Variants in SLC35E1 observed in about 807,000 individuals in gnomAD.
SLC35E1 encodes solute carrier family 35, member E1.
Under a neutral mutation model 31.0 loss-of-function variants are expected in SLC35E1, and 12 were observed. The ratio of observed to expected loss-of-function variants is 0.39; its 90% CI spans 0.25 to 0.63. SLC35E1 has a LOEUF of 0.63. SLC35E1 is among the 20% of genes least tolerant of loss of function. The probability of loss-of-function intolerance (pLI) is 0.52; values close to 1 mark genes in which losing one functional copy is unlikely to be tolerated. For missense variants in SLC35E1, 429 were observed against 572.2 expected (o/e 0.75, Z 2.55); for synonymous variants, 257 against 264.1 (o/e 0.97, Z 0.26).
intron 4 of SLC35E1, among the ~76,000 whole-genome samples, chr19:16,560,728 G>A (rs982375992): frequency 1.3e-5 from 2 of 150,408 alleles, no homozygotes; most frequent in Non-Finnish European, 3.0e-5. Context: ...CAGGAGTGGT[G>A]GTGCGCGCCT....
At position 16,551,928 on chromosome 19, in the gene SLC35E1, T is replaced by C. The variant is rs1446041020; in HGVS notation, c.*1751A>G. 2 of 151,734 alleles carry C rather than the reference T, an allele frequency of 1.3e-5. No individual in the cohort carries two copies. The highest frequency in any genetic ancestry group is 3.9e-4 in the East Asian group (2 of 5,160). The allele number at this position is 151,734 out of a possible 1,614,324, so 9.4% of individuals were successfully genotyped here. ...TGCCACCATGCCTGGCTAATTTTTGTTTTAGTAGAGATGGGGTTTCACCAT... is the reference window on the plus strand; with the variant it reads ...TGCCACCATGCCTGGCTAATTTTTGCTTTAGTAGAGATGGGGTTTCACCAT... On this transcript the variant is annotated 3_prime_UTR_variant, in exon 6 of 6. Transcript: ENST00000595753.
At position 16,555,471 on chromosome 19, in the gene SLC35E1, G is replaced by A. The variant is rs572847704; in HGVS notation, c.757-74C>T. ...CCTGCCTCCCTGTATCCACCTGGCA[G>A]GGTTAGGGGAAGGGATGTGGAGGGG... On this transcript the variant is annotated intron_variant, in intron 4 of 5. Transcript: ENST00000595753. This position sits in a 1 kb window ranked among gnomAD's most constrained non-coding sequence, Gnocchi z 4.1. The A allele has an allele frequency of 1.7e-5, 26 of 1,566,594 alleles. No homozygotes were observed. In the African/African-American group the frequency reaches 3.2e-4, roughly 19 times the overall value.
Position 16,571,594 on chromosome 19 carries a change from G to A in SLC35E1, c.422-12C>T, listed in dbSNP as rs2085958665. ...CATGGTGGCCTTGACTGCAAAGAGA[G>A]GGATGGGCACTCAGGGGGCTGCCTG... On this transcript the variant is annotated splice_polypyrimidine_tract_variant and intron_variant, in intron 1 of 5. Coordinates refer to ENST00000595753, the MANE Select transcript of SLC35E1 (RefSeq NM_024881.5). 4.3e-6 allele frequency: 7 copies of A among 1,613,490 alleles called. No individual in the cohort carries two copies. Among genetic ancestry groups the A allele is most frequent in the Non-Finnish European group, 5.9e-6 (7 of 1,179,940 alleles).
At chr19:16,564,942 T>C (rs1485578002) in intron 4 of SLC35E1, 2 of 333,686 alleles carry the variant, frequency 6.0e-6, no homozygotes, top group Non-Finnish European at 1.2e-5. Flanking sequence ...AAAATAGAGG[T>C]AATATCCACT....
intron 4 of SLC35E1, among the ~76,000 whole-genome samples, chr19:16,560,389 G>C (rs2085898535): frequency 1.3e-5 from 2 of 152,170 alleles, no homozygotes; most frequent in South Asian, 2.1e-4. Context: ...ACAGTACAGA[G>C]AACAAGCTGC....
Position 16,566,404 on chromosome 19 carries a change from C to T in SLC35E1, c.756+128G>A, listed in dbSNP as rs2085932487. 8 of 1,311,672 alleles carry T rather than the reference C, an allele frequency of 6.1e-6. No homozygotes were observed. The East Asian group carries it at 1.7e-4, about 29-fold the overall frequency. 81.3% of individuals were successfully genotyped at this position (1,311,672 alleles called of 1,614,324 possible). A position where few individuals can be genotyped will look rare whatever the true frequency, so the allele number is the denominator to read the frequency against. ...GTGAGGCATTACAGAGGACTGACTG[C>T]TGAAAGCGCTGGCTGTCAGGTGCCC... On this transcript the variant is annotated intron_variant, in intron 4 of 5. Coordinates refer to ENST00000595753, the MANE Select transcript of SLC35E1 (RefSeq NM_024881.5).
In SLC35E1 at chr19:16,555,008, G is replaced by A; in HGVS notation, c.1002+144C>T. ...GAAAAAGGAAGCCAGAGTGGGATGG[G>A]GCTACGCCAAGATCATAAACCAGTC... On this transcript the variant is annotated intron_variant, in intron 5 of 5. Transcript: ENST00000595753. The surrounding 1 kb of genome is among the most constrained non-coding windows in gnomAD (Gnocchi z 4.1). 1 of 1,231,992 alleles carries A rather than the reference G, an allele frequency of 8.1e-7. No homozygotes were observed. Among genetic ancestry groups the A allele is most frequent in the Non-Finnish European group, 1.1e-6 (1 of 907,644 alleles). The allele number at this position is 1,231,992 out of a possible 1,614,324, so 76.3% of individuals were successfully genotyped here.
chr19:16,556,780 A>C (rs1040255101), intron 4 of SLC35E1: 1 of 451,742 alleles, frequency 2.2e-6, no homozygotes, highest in Non-Finnish European at 4.6e-6. Context: ...CTGGAGCTGC[A>C]GGATGTCTAC....
At chr19:16,558,772 T>G (rs1807991398) in intron 4 of SLC35E1, among the ~76,000 whole-genome samples, 1 of 147,582 alleles carries the variant, frequency 6.8e-6, no homozygotes, top group Non-Finnish European at 1.5e-5. Flanking sequence ...CCCTTGAGTT[T>G]TTTTTTTTTT....
rs950445743 is a variant in SLC35E1 at position 16,551,085 on chromosome 19, C to T, written c.*2594G>A. 2 of 152,136 alleles carry T rather than the reference C, an allele frequency of 1.3e-5. No homozygotes were observed. Among genetic ancestry groups the T allele is most frequent in the African/African-American group, 2.4e-5 (1 of 41,430 alleles). 9.4% of individuals were successfully genotyped at this position (152,136 alleles called of 1,614,324 possible). On this transcript the variant is annotated 3_prime_UTR_variant, in exon 6 of 6. Transcript: ENST00000595753. Reference sequence around the variant, plus strand: ...ATATAGACAACTCCCGTAATATCTCCGCAGTGCAAAATTATCCCTGTTTCT... The same window carrying T: ...ATATAGACAACTCCCGTAATATCTCTGCAGTGCAAAATTATCCCTGTTTCT...
rs139085196 is a variant in SLC35E1 at position 16,553,530 on chromosome 19, C to T, written c.*149G>A. 1.9e-3 allele frequency: 1,269 copies of T among 680,024 alleles called. 15 individuals are homozygous for T. In the African/African-American group the frequency reaches 0.019, roughly 10 times the overall value. 42.1% of individuals were successfully genotyped at this position (680,024 alleles called of 1,614,324 possible). On this transcript the variant is annotated 3_prime_UTR_variant, in exon 6 of 6. Coordinates refer to ENST00000595753, the MANE Select transcript of SLC35E1 (RefSeq NM_024881.5). ...AGGCAACGCATCCTCCTGCGGCTCA[C>T]GGGGGGCCAGGAACCCCAGGGCTTC...
At position 16,553,586 on chromosome 19, in the gene SLC35E1, T is replaced by C; in HGVS notation, c.*93A>G. ...GAGAGTTATGCACCGTCCCCTCGGCTGGGTTGTACATTCACTGATTGTCAG... is the reference window on the plus strand; with the variant it reads ...GAGAGTTATGCACCGTCCCCTCGGCCGGGTTGTACATTCACTGATTGTCAG... On this transcript the variant is annotated 3_prime_UTR_variant, in exon 6 of 6. Coordinates refer to ENST00000595753, the MANE Select transcript of SLC35E1 (RefSeq NM_024881.5). 8.3e-7 allele frequency: 1 copy of C among 1,202,602 alleles called. No individual in the cohort carries two copies. Among genetic ancestry groups the C allele is most frequent in the Non-Finnish European group, 1.1e-6 (1 of 881,622 alleles). 74.5% of individuals were successfully genotyped at this position (1,202,602 alleles called of 1,614,324 possible). A position where few individuals can be genotyped will look rare whatever the true frequency, so the allele number is the denominator to read the frequency against.
At chr19:16,568,597 C>T (rs1018473264) in intron 2 of SLC35E1, among the ~76,000 whole-genome samples, 1 of 152,136 alleles carries the variant, frequency 6.6e-6, no homozygotes, top group South Asian at 2.1e-4. Context: ...GTGGCACAAT[C>T]GTGGCTCACT....
chr19:16,556,499 A>T (rs2085875853), intron 4 of SLC35E1, among the ~76,000 whole-genome samples: 2 of 152,162 alleles, frequency 1.3e-5, no homozygotes, highest in African/African-American at 4.8e-5. Context: ...ACAGTGTAAG[A>T]CACTGTTTCA....
In SLC35E1 at chr19:16,553,629, G is replaced by C; in HGVS notation, c.*50C>G. The stretch of plus-strand genomic sequence containing the variant: ...ATTGTCAGAAGTTTCTGATACTGCT[G>C]TGGGGGCCGGGGAAGGAGTCACCAA... On this transcript the variant is annotated 3_prime_UTR_variant, in exon 6 of 6. Coordinates refer to ENST00000595753, the MANE Select transcript of SLC35E1 (RefSeq NM_024881.5). 7.1e-7 allele frequency: 1 copy of C among 1,403,004 alleles called. No homozygotes were observed. The highest frequency in any genetic ancestry group is 9.5e-7 in the Non-Finnish European group (1 of 1,054,868). The allele number at this position is 1,403,004 out of a possible 1,614,324, so 86.9% of individuals were successfully genotyped here.
At chr19:16,560,894 A>AAAAAAAAAACAAAAAAAAAAAAAC in intron 4 of SLC35E1, among the ~76,000 whole-genome samples, 1 of 143,606 alleles carries the variant, frequency 7.0e-6, no homozygotes, top group East Asian at 2.0e-4. Context: ...AAAAAAAAAA[A>AAAAAAAAAACAAAAAAAAAAAAAC]AAAAAAGAGA....
intron 4 of SLC35E1, among the ~76,000 whole-genome samples, chr19:16,557,765 A>G (rs1045027275): frequency 3.9e-5 from 6 of 152,114 alleles, no homozygotes; most frequent in Admixed American, 3.3e-4. Context: ...GTACCTTTTC[A>G]TTGCTGAGTA....
At chr19:16,554,450 G>A (rs528047396) in intron 5 of SLC35E1, among the ~76,000 whole-genome samples, 5 of 152,074 alleles carry the variant, frequency 3.3e-5, no homozygotes, top group South Asian at 4.2e-4. Context: ...AGGCCTAGGC[G>A]GGAGGATCAC....
intron 5 of SLC35E1, 52 bp from the exon 6 acceptor site, chr19:16,553,961 C>T (rs757769520): frequency 9.5e-6 from 14 of 1,471,622 alleles, no homozygotes; most frequent in East Asian, 4.8e-5. Flanking sequence ...CATAAGAGCT[C>T]GTAATTCAAA....
Sources: allele counts gnomAD v4.1 joint callset (sites outside exome capture counted in the v4.1 genomes callset), GRCh38; gene constraint gnomAD v4.1.1; non-coding constraint Gnocchi (gnomAD v3.1); transcripts MANE v1.5; gene names NCBI Gene and HGNC (gene_info 2026-07-23, HGNC 2026-07-21).